The following JAKMIP1 variants were observed in gnomAD, a reference collection of about 807,000 sequenced individuals.
JAKMIP1 encodes the protein janus kinase and microtubule interacting protein 1, also known as janus kinase and microtubule-interacting protein 1.
In JAKMIP1, 33 loss-of-function variants were observed where a neutral mutation model predicts 113.0. That is an observed-to-expected ratio of 0.29 (90% CI 0.22 to 0.39). The LOEUF (loss-of-function observed/expected upper bound fraction) is 0.39, where lower values mean the gene tolerates loss of function less well. Ranked by LOEUF, JAKMIP1 falls within the 10% of genes least tolerant of loss-of-function variation. JAKMIP1 has a pLI of 1.00. For missense variants in JAKMIP1, 813 were observed against 1,080.5 expected (o/e 0.75, Z 3.47); for synonymous variants, 480 against 459.9 (o/e 1.04, Z -0.56).
intron 1 of JAKMIP1, among the ~76,000 whole-genome samples, chr4:6,164,077 A>G (rs959026026): frequency 6.6e-6 from 1 of 152,246 alleles, no homozygotes; most frequent in Non-Finnish European, 1.5e-5. Flanking sequence ...AGGTGGCTAC[A>G]CTGAACAACA....
intron 1 of JAKMIP1, among the ~76,000 whole-genome samples, chr4:6,164,452 T>C (rs1050764171): frequency 1.3e-5 from 2 of 151,154 alleles, no homozygotes; most frequent in African/African-American, 4.9e-5. Context: ...GTAGAGGAGA[T>C]TGATGTTGTT....
chr4:6,090,909 C>T (rs1185616216), intron 3 of JAKMIP1, among the ~76,000 whole-genome samples: 2 of 152,056 alleles, frequency 1.3e-5, no homozygotes, highest in Non-Finnish European at 2.9e-5. Flanking sequence ...CTTAGAGTGT[C>T]AAAACCCCAC....
At chr4:6,034,639 T>A (rs1713168783) in intron 19 of JAKMIP1, among the ~76,000 whole-genome samples, 1 of 152,128 alleles carries the variant, frequency 6.6e-6, no homozygotes, top group South Asian at 2.1e-4. Context: ...CCGTCTCTAC[T>A]AAGAATACAA....
At chr4:6,032,718 G>A (rs1273767079) in intron 19 of JAKMIP1, among the ~76,000 whole-genome samples, 1 of 152,096 alleles carries the variant, frequency 6.6e-6, no homozygotes, top group Non-Finnish European at 1.5e-5. Flanking sequence ...ACAGCTCCAT[G>A]ACGGCCAGCA....
At chr4:6,035,650 C>G (rs185060879) in intron 19 of JAKMIP1, among the ~76,000 whole-genome samples, 5 of 152,174 alleles carry the variant, frequency 3.3e-5, no homozygotes, top group Non-Finnish European at 7.3e-5. Context: ...GAAGGAGGGC[C>G]GAGGGAGAAG....
Position 6,155,706 on chromosome 4 carries a change from A to G in JAKMIP1, c.-147-42709T>C, listed in dbSNP as rs1181682386. On this transcript the variant is annotated intron_variant, in intron 1 of 20. Transcript: ENST00000409021. The surrounding 1 kb of genome is among the most constrained non-coding windows in gnomAD (Gnocchi z 6.1). Reference sequence around the variant, plus strand: ...TTGCTAAATATTCACCAACAACTGTATGTCCCATGGCACATTTATAGAACG... The same window carrying G: ...TTGCTAAATATTCACCAACAACTGTGTGTCCCATGGCACATTTATAGAACG... 6.6e-6 allele frequency among the ~76,000 whole-genome samples: 1 copy of G among 152,252 alleles called. No homozygotes were observed. The highest frequency in any genetic ancestry group is 1.5e-5 in the Non-Finnish European group (1 of 68,044).
At chr4:6,190,279 A>G (rs1338592623) in intron 1 of JAKMIP1, among the ~76,000 whole-genome samples, 1 of 152,210 alleles carries the variant, frequency 6.6e-6, no homozygotes, top group Non-Finnish European at 1.5e-5. Context: ...TGGTTACTAT[A>G]GTGAAGCAGA....
chr4:6,080,241 A>T lies in JAKMIP1; in HGVS notation c.1173T>A (p.Asp391Glu), dbSNP rs776494358. The part of the protein sequence containing the change: ...TSLNDLSLTR[D>E]EQEIEFLRLQ... ...GCCTCAGGAACTCGATCTCCTGCTC[A>T]TCCCTCGTCAGGCTGAGGTCATTCA... The change falls in exon 7 of 21, where the codon GAT (aspartate) becomes GAA (glutamate). Residue 391 changes from aspartate (D) to glutamate (E), a missense_variant. By Grantham distance (45) the Asp-to-Glu change is conservative. This residue lies in a region of JAKMIP1 where 540 missense variants were observed against 653.9 expected (regional missense o/e 0.83). Transcript: ENST00000409021. The surrounding 1 kb of genome is among the most constrained non-coding windows in gnomAD (Gnocchi z 6.0). 1.9e-6 allele frequency: 3 copies of T among 1,614,174 alleles called. No homozygotes were observed. In the South Asian group the frequency reaches 3.3e-5, roughly 18 times the overall value.
In JAKMIP1 at chr4:6,139,792, TAA is replaced by T. The variant is rs758977785; in HGVS notation, c.-147-26797_-147-26796del. ...AAATATAAAATAAAATAAAATAAAA[TAA>T]AATAAAATAAGGAAATGGGAGCACA... On this transcript the variant is annotated intron_variant, in intron 1 of 20. Coordinates refer to ENST00000409021, the MANE Select transcript of JAKMIP1 (RefSeq NM_001099433.2). The surrounding 1 kb of genome is among the most constrained non-coding windows in gnomAD (Gnocchi z 5.2). 3.1e-4 allele frequency among the ~76,000 whole-genome samples: 46 copies of T among 149,848 alleles called. No homozygotes were observed. Among genetic ancestry groups the T allele is most frequent in the African/African-American group, 1.1e-3 (46 of 40,846 alleles).
At chr4:6,087,344 G>A (rs1459116747) in intron 3 of JAKMIP1, among the ~76,000 whole-genome samples, 3 of 151,752 alleles carry the variant, frequency 2.0e-5, no homozygotes, top group Non-Finnish European at 4.4e-5. Context: ...ATGGACAATA[G>A]GAAGACTTTA....
At chr4:6,055,009 G>C (rs550630554) in intron 12 of JAKMIP1, among the ~76,000 whole-genome samples, 2 of 152,078 alleles carry the variant, frequency 1.3e-5, no homozygotes, top group Non-Finnish European at 2.9e-5. Flanking sequence ...GGGGTTGCTC[G>C]CTGTCCCAAA....
intron 1 of JAKMIP1, among the ~76,000 whole-genome samples, chr4:6,121,211 A>AAC: frequency 6.6e-6 from 1 of 151,314 alleles, no homozygotes; most frequent in Non-Finnish European, 1.5e-5. Context: ...AAAAAAAAAA[A>AAC]AAAAAATGGC....
intron 19 of JAKMIP1, among the ~76,000 whole-genome samples, chr4:6,033,878 A>C (rs900875419): frequency 6.6e-6 from 1 of 152,208 alleles, no homozygotes; most frequent in African/African-American, 2.4e-5. Flanking sequence ...GCAAAGAATC[A>C]CAAAACATCA....
chr4:6,113,979 G>A (rs2108892698), intron 1 of JAKMIP1, among the ~76,000 whole-genome samples: 1 of 152,342 alleles, frequency 6.6e-6, no homozygotes, highest in African/African-American at 2.4e-5. Flanking sequence ...CACCCATCAT[G>A]TGCCAGGGCC....
chr4:6,063,033 T>A (rs1717531956), intron 9 of JAKMIP1, among the ~76,000 whole-genome samples: 6 of 152,064 alleles, frequency 3.9e-5, no homozygotes, highest in Admixed American at 3.9e-4. Context: ...TTCCAGCTAC[T>A]CGGGAGGCTG....
chr4:6,105,922 C>T lies in JAKMIP1; in HGVS notation c.175G>A (p.Glu59Lys). 6.2e-7 allele frequency: 1 copy of T among 1,610,162 alleles called. No homozygotes were observed. Among genetic ancestry groups the T allele is most frequent in the South Asian group, 1.1e-5 (1 of 91,006 alleles). The change falls in exon 3 of 21, where the codon GAG becomes AAG. Residue 59 changes from glutamate to lysine, a missense_variant. Glu to Lys is a moderately conservative substitution (Grantham distance 56). Coordinates refer to ENST00000409021, the MANE Select transcript of JAKMIP1 (RefSeq NM_001099433.2). ...ERLQEAKLEREQEQRRHTAYI... is the reference protein window; with the variant it reads ...ERLQEAKLERKQEQRRHTAYI... Reference sequence around the variant, plus strand: ...GCCGTGTGCCGTCGCTGCTCCTGCTCGCGCTCCAGCTTCGCCTCCTGCAGC... The same window carrying T: ...GCCGTGTGCCGTCGCTGCTCCTGCTTGCGCTCCAGCTTCGCCTCCTGCAGC...
rs1329549438 is a variant in JAKMIP1, at chr4:6,138,897, T to G, written c.-147-25900A>C. On this transcript the variant is annotated intron_variant, in intron 1 of 20. Coordinates refer to ENST00000409021, the MANE Select transcript of JAKMIP1 (RefSeq NM_001099433.2). The surrounding 1 kb of genome is among the most constrained non-coding windows in gnomAD (Gnocchi z 6.0). ...GCACTTTCAACAGAGCAAGGCCAGT[T>G]GGGCGCTAAGCAACTACTGCTTACT... is the stretch of plus-strand genomic sequence containing the variant. 6.6e-6 allele frequency among the ~76,000 whole-genome samples: 1 copy of G among 152,178 alleles called. No individual in the cohort carries two copies. The highest frequency in any genetic ancestry group is 1.9e-4 in the East Asian group (1 of 5,194).
At chr4:6,099,359 T>C (rs1712624882) in intron 3 of JAKMIP1, among the ~76,000 whole-genome samples, 1 of 152,218 alleles carries the variant, frequency 6.6e-6, no homozygotes, top group Non-Finnish European at 1.5e-5. Flanking sequence ...ATTTCCCCAT[T>C]TGCTTTTTAT....
At chr4:6,125,832 C>T (rs374168389) in intron 1 of JAKMIP1, among the ~76,000 whole-genome samples, 59 of 78,274 alleles carry the variant, frequency 7.5e-4, no homozygotes, top group African/African-American at 1.5e-3. Flanking sequence ...ACACACCATG[C>T]AGAAACACAC....
Sources: allele counts gnomAD v4.1 joint callset (sites outside exome capture counted in the v4.1 genomes callset), GRCh38; gene constraint gnomAD v4.1.1; regional missense constraint gnomAD v4.1.1; non-coding constraint Gnocchi (gnomAD v3.1); transcripts MANE v1.5; gene names NCBI Gene and HGNC (gene_info 2026-07-23, HGNC 2026-07-21).